TTC39B: variants seen among roughly 807,000 people sequenced by gnomAD.
TTC39B encodes the protein tetratricopeptide repeat domain 39B.
In TTC39B, 92 loss-of-function variants were observed where a neutral mutation model predicts 96.6. The ratio of observed to expected loss-of-function variants is 0.95; its 90% CI spans 0.80 to 1.13. The LOEUF is 1.13. TTC39B is among the 50% of genes most tolerant of loss of function. TTC39B has a pLI of 0.00. For missense variants in TTC39B, 955 were observed against 809.3 expected (o/e 1.18, Z -2.18); for synonymous variants, 367 against 299.4 (o/e 1.23, Z -2.33).
chr9:15,267,618 A>T (rs1388169412), intron 2 of TTC39B, among the ~76,000 whole-genome samples: 1 of 152,238 alleles, frequency 6.6e-6, no homozygotes, highest in Non-Finnish European at 1.5e-5. Flanking sequence ...AAATCTACAA[A>T]ATGAGACTGA....
intron 2 of TTC39B, among the ~76,000 whole-genome samples, chr9:15,240,368 A>G (rs1457769308): frequency 6.6e-6 from 1 of 152,258 alleles, no homozygotes; most frequent in East Asian, 1.9e-4. Flanking sequence ...TGGCGAATAG[A>G]TAAACTAGAT....
At chr9:15,261,150 T>A (rs1417005850) in intron 2 of TTC39B, among the ~76,000 whole-genome samples, 3 of 152,184 alleles carry the variant, frequency 2.0e-5, no homozygotes. Context: ...TTTGTCCCAT[T>A]GCCCACAGTG....
At chr9:15,285,390 G>A (rs1337391820) in intron 1 of TTC39B, among the ~76,000 whole-genome samples, 1 of 151,986 alleles carries the variant, frequency 6.6e-6, no homozygotes, top group African/African-American at 2.4e-5. Context: ...CCAAAAAGTT[G>A]CCAGAATAAG....
chr9:15,225,142 C>T (rs1044176065), intron 3 of TTC39B, among the ~76,000 whole-genome samples: 3 of 151,694 alleles, frequency 2.0e-5, no homozygotes, highest in Non-Finnish European at 4.4e-5. Flanking sequence ...TGGAAAGGAA[C>T]AAAAATTAAC....
intron 3 of TTC39B, among the ~76,000 whole-genome samples, chr9:15,222,808 T>G (rs984446726): frequency 3.3e-5 from 5 of 152,114 alleles, no homozygotes; most frequent in African/African-American, 1.2e-4. Flanking sequence ...CTTTCTCAAG[T>G]AAATAAAAAA....
Position 15,298,122 on chromosome 9 carries a change from T to C in TTC39B, c.240+8962A>G, listed in dbSNP as rs778926391. Reference sequence around the variant, plus strand: ...TTTTCCCTCTTCTGGAGCTGGGAAGTCCTTTTTCTCCTTCTCTTGGACATC... The same window carrying C: ...TTTTCCCTCTTCTGGAGCTGGGAAGCCCTTTTTCTCCTTCTCTTGGACATC... On this transcript the variant is annotated intron_variant, in intron 1 of 19. Coordinates refer to ENST00000512701, the Ensembl canonical transcript of TTC39B. Among the ~76,000 whole-genome samples the C allele has an allele frequency of 1.1e-3, 165 of 152,240 alleles. 4 individuals are homozygous for C. The Middle Eastern group carries it at 0.051, about 47-fold the overall frequency.
intron 2 of TTC39B, chr9:15,250,158 C>G: frequency 8.3e-7 from 1 of 1,208,728 alleles, no homozygotes; most frequent in Non-Finnish European, 1.0e-6. Flanking sequence ...CTTTCCAGGG[C>G]AGAATTTAAG....
chr9:15,248,837 C>G (rs1354282999), intron 2 of TTC39B, among the ~76,000 whole-genome samples: 1 of 152,118 alleles, frequency 6.6e-6, no homozygotes, highest in Non-Finnish European at 1.5e-5. Flanking sequence ...TGCAGGAAGT[C>G]AACCAAAATA....
intron 1 of TTC39B, among the ~76,000 whole-genome samples, chr9:15,280,475 C>T (rs10961951): frequency 0.3 from 45,365 of 152,138 alleles, 10,669 homozygotes; most frequent in African/African-American, 0.66. Flanking sequence ...TTGGCAAATA[C>T]GAGAAATTAT....
intron 2 of TTC39B, among the ~76,000 whole-genome samples, chr9:15,243,406 T>TA (rs1228406786): frequency 1.3e-5 from 2 of 152,206 alleles, no homozygotes; most frequent in Non-Finnish European, 2.9e-5. Flanking sequence ...AAGTACATTT[T>TA]CATATACAAT....
intron 6 of TTC39B, among the ~76,000 whole-genome samples, chr9:15,208,907 C>T (rs1402633155): frequency 6.6e-6 from 1 of 152,162 alleles, no homozygotes; most frequent in Non-Finnish European, 1.5e-5. Flanking sequence ...ACAAAACTTC[C>T]TAATAAAACA....
intron 2 of TTC39B, among the ~76,000 whole-genome samples, chr9:15,251,731 A>ATG (rs1563764604): frequency 4.7e-5 from 6 of 126,970 alleles, no homozygotes; most frequent in African/African-American, 1.9e-4. Flanking sequence ...ATATATATAT[A>ATG]TATATGTAGT....
intron 18 of TTC39B, among the ~76,000 whole-genome samples, chr9:15,175,555 A>G (rs1324588641): frequency 1.3e-5 from 2 of 152,218 alleles, no homozygotes; most frequent in Non-Finnish European, 2.9e-5. Flanking sequence ...AAAGGCCAAT[A>G]AAGAAATGGT....
At chr9:15,267,324 T>C (rs898617863) in intron 2 of TTC39B, among the ~76,000 whole-genome samples, 8 of 152,236 alleles carry the variant, frequency 5.3e-5, no homozygotes, top group Non-Finnish European at 8.8e-5. Flanking sequence ...ATTAGAGATA[T>C]ACAAAGAACA....
intron 1 of TTC39B, among the ~76,000 whole-genome samples, chr9:15,287,959 A>C (rs1055817847): frequency 2.9e-5 from 4 of 139,298 alleles, no homozygotes; most frequent in African/African-American, 1.1e-4. Context: ...AAAAAAAAAA[A>C]AAAAAAAAAA....
chr9:15,256,584 C>T (rs1822759060), intron 2 of TTC39B, among the ~76,000 whole-genome samples: 1 of 152,100 alleles, frequency 6.6e-6, no homozygotes, highest in Non-Finnish European at 1.5e-5. Flanking sequence ...TAACAATTAA[C>T]TGCAAAATGA....
chr9:15,261,038 G>A (rs576940584), intron 2 of TTC39B, among the ~76,000 whole-genome samples: 1 of 152,338 alleles, frequency 6.6e-6, no homozygotes, highest in South Asian at 2.1e-4. Flanking sequence ...TGTTCTAACA[G>A]TCTTTGAACA....
intron 1 of TTC39B, among the ~76,000 whole-genome samples, chr9:15,269,145 A>G (rs1313147565): frequency 6.6e-6 from 1 of 152,208 alleles, no homozygotes; most frequent in Non-Finnish European, 1.5e-5. Context: ...CCTCCTCAAG[A>G]AGAACATCTC....
intron 3 of TTC39B, among the ~76,000 whole-genome samples, chr9:15,223,160 G>C (rs1228499003): frequency 6.6e-6 from 1 of 152,218 alleles, no homozygotes; most frequent in Non-Finnish European, 1.5e-5. Flanking sequence ...AGGCATTTTA[G>C]CTGATCATGT....
Sources: gnomAD v4.1 joint callset for allele counts (sites outside exome capture counted in the v4.1 genomes callset) on GRCh38, gnomAD v4.1.1 for gene constraint, MANE v1.5 for transcripts, NCBI Gene and HGNC (gene_info 2026-07-23, HGNC 2026-07-21) for gene names.